XKR6: variants seen among roughly 807,000 people sequenced by gnomAD.
The protein encoded by XKR6 is XK related 6, also known as XK-related protein 6.
A neutral mutation model predicts 56.7 loss-of-function variants in XKR6; 22 were observed. The observed-to-expected ratio is 0.39, with a 90% CI of 0.28 to 0.55. The LOEUF (loss-of-function observed/expected upper bound fraction) is 0.55. Ranked by LOEUF, XKR6 falls within the 20% of genes least tolerant of loss-of-function variation. XKR6 has a pLI of 0.66. For synonymous variants in XKR6, 524 were observed against 387.8 expected (o/e 1.35, Z -4.13); for missense variants, 852 against 889.0 (o/e 0.96, Z 0.53).
intron 1 of XKR6, among the ~76,000 whole-genome samples, chr8:11,023,229 C>G (rs923879143): frequency 2.6e-5 from 4 of 152,178 alleles, no homozygotes; most frequent in Non-Finnish European, 5.9e-5. Flanking sequence ...TTTTCTGCAC[C>G]CAGGGCTGCT....
intron 1 of XKR6, among the ~76,000 whole-genome samples, chr8:11,130,119 C>G (rs1800029648): frequency 6.6e-6 from 1 of 152,128 alleles, no homozygotes; most frequent in Admixed American, 6.5e-5. Flanking sequence ...AGGTCCTTTT[C>G]ACTTCTAGAA....
chr8:11,024,781 A>G (rs539825603), intron 1 of XKR6, among the ~76,000 whole-genome samples: 149 of 152,354 alleles, frequency 9.8e-4, no homozygotes, highest in African/African-American at 3.6e-3. Flanking sequence ...GATCCCTCTT[A>G]AAGACAGTGC....
At chr8:11,093,151 G>A (rs1798136523) in intron 1 of XKR6, among the ~76,000 whole-genome samples, 1 of 151,964 alleles carries the variant, frequency 6.6e-6, no homozygotes, top group Non-Finnish European at 1.5e-5. Flanking sequence ...CACCTCCCGG[G>A]TTCAAACGAT....
At chr8:11,132,754 C>T (rs1417904018) in intron 1 of XKR6, among the ~76,000 whole-genome samples, 1 of 122,070 alleles carries the variant, frequency 8.2e-6, no homozygotes, top group African/African-American at 4.4e-5. Context: ...TTCATTCATA[C>T]ACACACACGC....
In XKR6 at chr8:11,034,030, T is replaced by G. The variant is rs141719650; in HGVS notation, c.765-109200A>C. 4.3e-4 allele frequency among the ~76,000 whole-genome samples: 65 copies of G among 152,330 alleles called. No homozygotes were observed. The East Asian group carries it at 8.9e-3, about 21-fold the overall frequency. On this transcript the variant is annotated intron_variant, in intron 1 of 2. Coordinates refer to ENST00000416569, the MANE Select transcript of XKR6 (RefSeq NM_173683.4). ...TGTTGCTCCAGCATAGCCTGTTTAGTCAACCTTATGTGTTAAGTGCCAACT... is the reference window on the plus strand; with the variant it reads ...TGTTGCTCCAGCATAGCCTGTTTAGGCAACCTTATGTGTTAAGTGCCAACT...
chr8:11,126,848 A>C (rs1799824725), intron 1 of XKR6, among the ~76,000 whole-genome samples: 1 of 152,166 alleles, frequency 6.6e-6, no homozygotes, highest in African/African-American at 2.4e-5. Flanking sequence ...CAAGCCCCAC[A>C]AACAAGTCAT....
At chr8:10,997,841 C>A (rs1798149368) in intron 1 of XKR6, among the ~76,000 whole-genome samples, 1 of 152,122 alleles carries the variant, frequency 6.6e-6, no homozygotes, top group Non-Finnish European at 1.5e-5. Context: ...GAACTGTGGA[C>A]TAGAATGTCA....
In XKR6 at chr8:11,024,489, T is replaced by C. The variant is rs78146142; in HGVS notation, c.765-99659A>G. 5.3e-5 allele frequency among the ~76,000 whole-genome samples: 8 copies of C among 152,294 alleles called. 1 individual carries two copies. In the East Asian group the frequency reaches 1.5e-3, roughly 29 times the overall value. ...GCCTAGTCAATTGTCTGGCACCTAA[T>C]AAGCATTCAGTCAGTGGTAGCCATT... On this transcript the variant is annotated intron_variant, in intron 1 of 2. Coordinates refer to ENST00000416569, the MANE Select transcript of XKR6 (RefSeq NM_173683.4).
intron 1 of XKR6, among the ~76,000 whole-genome samples, chr8:11,117,626 T>C (rs1799244786): frequency 6.6e-6 from 1 of 152,130 alleles, no homozygotes; most frequent in Non-Finnish European, 1.5e-5. Context: ...AAAGAAAATA[T>C]GGCTGAAATT....
intron 1 of XKR6, among the ~76,000 whole-genome samples, chr8:11,107,324 C>G (rs980742495): frequency 6.6e-6 from 1 of 152,056 alleles, no homozygotes; most frequent in African/African-American, 2.4e-5. Context: ...CTCAGCCTCT[C>G]AAACAGCTGA....
chr8:11,132,347 CTTTCTT>C (rs1011309279), intron 1 of XKR6, among the ~76,000 whole-genome samples: 74 of 152,064 alleles, frequency 4.9e-4, no homozygotes, highest in Non-Finnish European at 4.0e-4. Flanking sequence ...AACTTACTTT[CTTTCTT>C]TTTCTTTTTC....
intron 1 of XKR6, among the ~76,000 whole-genome samples, chr8:11,101,487 A>AT (rs57259868): frequency 6.6e-6 from 1 of 152,046 alleles, no homozygotes; most frequent in Non-Finnish European, 1.5e-5. Context: ...AAATTATGTC[A>AT]TTTTTTATGA....
At chr8:11,139,379 C>G (rs1018556601) in intron 1 of XKR6, among the ~76,000 whole-genome samples, 2 of 152,098 alleles carry the variant, frequency 1.3e-5, no homozygotes, top group Non-Finnish European at 2.9e-5. Flanking sequence ...AGTCACTGCC[C>G]CTGCACCAGC....
intron 1 of XKR6, among the ~76,000 whole-genome samples, chr8:11,073,257 T>C (rs1318889014): frequency 6.6e-6 from 1 of 152,182 alleles, no homozygotes; most frequent in Non-Finnish European, 1.5e-5. Flanking sequence ...TGATGCATAA[T>C]AATTAAGGGC....
intron 1 of XKR6, among the ~76,000 whole-genome samples, chr8:11,095,704 T>C (rs1305576730): frequency 7.2e-5 from 11 of 152,228 alleles, no homozygotes; most frequent in Non-Finnish European, 1.5e-5. Flanking sequence ...TGTAAGTTTG[T>C]GGGCTTATGG....
At chr8:11,195,955 A>C (rs1585044330) in intron 1 of XKR6, among the ~76,000 whole-genome samples, 1 of 126,442 alleles carries the variant, frequency 7.9e-6, no homozygotes, top group African/African-American at 3.0e-5. Flanking sequence ...TTATGGATAA[A>C]ATGAAAAAAA....
Position 10,969,943 on chromosome 8 carries a change from T to C in XKR6, c.765-45113A>G, listed in dbSNP as rs570527782. Among the ~76,000 whole-genome samples the C allele has an allele frequency of 5.1e-4, 77 of 152,372 alleles. 1 individual carries two copies. The highest frequency in any genetic ancestry group is 1.6e-3 in the African/African-American group (68 of 41,584). On this transcript the variant is annotated intron_variant, in intron 1 of 2. Transcript: ENST00000416569. The stretch of plus-strand genomic sequence containing the variant: ...GCAAATGCTCCTCTAAGCTCCCATG[T>C]GGGGTCTCTACCGAAACCCCATGCT...
chr8:11,134,872 A>C (rs916365961), intron 1 of XKR6, among the ~76,000 whole-genome samples: 3 of 152,062 alleles, frequency 2.0e-5, no homozygotes, highest in African/African-American at 7.3e-5. Context: ...AACCACATAA[A>C]ATGCTATACA....
chr8:11,014,176 A>G (rs1054151448), intron 1 of XKR6, among the ~76,000 whole-genome samples: 1 of 152,148 alleles, frequency 6.6e-6, no homozygotes, highest in African/African-American at 2.4e-5. Flanking sequence ...TAAATAGCTC[A>G]TTTGCATAAT....
Sources: allele counts gnomAD v4.1 joint callset (sites outside exome capture counted in the v4.1 genomes callset), GRCh38; gene constraint gnomAD v4.1.1; transcripts MANE v1.5; gene names NCBI Gene and HGNC (gene_info 2026-07-23, HGNC 2026-07-21).